Variants in SCARB2 observed in about 807,000 individuals in gnomAD.
SCARB2 encodes lysosome membrane protein 2.
SCARB2 carries 29 observed loss-of-function variants against 58.6 expected under a neutral mutation model. The ratio of observed to expected loss-of-function variants is 0.49; its 90% CI spans 0.37 to 0.67. SCARB2 has a LOEUF of 0.67. SCARB2 is among the 30% of genes least tolerant of loss of function. The pLI, the probability that SCARB2 is intolerant of heterozygous loss-of-function variation, is 0.00. For missense variants in SCARB2, 488 were observed against 578.5 expected (o/e 0.84, Z 1.60); for synonymous variants, 195 against 210.1 (o/e 0.93, Z 0.62).
intron 6 of SCARB2, 138 bp downstream of exon 6, chr4:76,175,653 G>A (rs1732237347): frequency 9.9e-7 from 1 of 1,011,624 alleles, no homozygotes; most frequent in Admixed American, 2.0e-5. Context: ...CTGTCTCGAT[G>A]TGCCATCAGC....
chr4:76,214,183 T>A (rs1438013471), upstream of SCARB2: 1 of 453,054 alleles, frequency 2.2e-6, no homozygotes, highest in Non-Finnish European at 4.4e-6. Flanking sequence ...GACATTCCCC[T>A]GCTCTAGAGG....
At chr4:76,227,699 G>T (rs1047686917) in intron 1 of SCARB2, among the ~76,000 whole-genome samples, 2 of 151,960 alleles carry the variant, frequency 1.3e-5, no homozygotes, top group African/African-American at 4.8e-5. Context: ...TATAAATTTG[G>T]GAGCTCCAGT....
chr4:76,175,537 G>A, intron 6 of SCARB2: 1 of 497,202 alleles, frequency 2.0e-6, no homozygotes, highest in South Asian at 2.1e-5. Flanking sequence ...AGGAAAGTGA[G>A]GTACAGAGTG....
chr4:76,174,287 T>C lies in SCARB2; in HGVS notation c.851A>G (p.Tyr284Cys), dbSNP rs149997095. ...CRSVYITFSD[Y>C]ESVQGLPAFR... ...GGCAGGCAGTCCCTGTACACTCTCATAGTCACTGAAAGTAATATACACTGA... is the reference window on the plus strand; with the variant it reads ...GGCAGGCAGTCCCTGTACACTCTCACAGTCACTGAAAGTAATATACACTGA... The change falls in exon 7 of 12, where the codon TAT becomes TGT. Residue 284 changes from tyrosine to cysteine, a missense_variant. Coordinates refer to ENST00000264896, the MANE Select transcript of SCARB2 (RefSeq NM_005506.4). The C allele has an allele frequency of 3.1e-6, 5 of 1,614,008 alleles. No homozygotes were observed. Among genetic ancestry groups the C allele is most frequent in the East Asian group, 2.2e-5 (1 of 44,900 alleles).
At chr4:76,167,216 T>A (rs1248813048) in intron 9 of SCARB2, among the ~76,000 whole-genome samples, 1 of 151,916 alleles carries the variant, frequency 6.6e-6, no homozygotes, top group African/African-American at 2.4e-5. Context: ...GTGGGATCAG[T>A]GGGAATAGAG....
In SCARB2 at chr4:76,161,143, C is replaced by T. The variant is rs952690571; in HGVS notation, c.*570G>A. On this transcript the variant is annotated 3_prime_UTR_variant, in exon 12 of 12. Transcript: ENST00000264896. ...TATTGCAGTTGGAAGACTGAGTTTT[C>T]CTGGAAGAATTATGAACTGAAGATC... The T allele has an allele frequency of 1.3e-5, 2 of 156,624 alleles. No individual in the cohort carries two copies. Among genetic ancestry groups the T allele is most frequent in the African/African-American group, 4.8e-5 (2 of 41,414 alleles). 9.7% of individuals were successfully genotyped at this position (156,624 alleles called of 1,614,324 possible).
chr4:76,234,037 G>A (rs1560731644), intron 1 of SCARB2, among the ~76,000 whole-genome samples: 1 of 152,228 alleles, frequency 6.6e-6, no homozygotes, highest in Non-Finnish European at 1.5e-5. Context: ...CTGCGGGTCA[G>A]AGATGGCCTT....
At chr4:76,214,327 G>A, upstream of SCARB2, 1 of 455,230 alleles carries the variant, frequency 2.2e-6, no homozygotes, top group Non-Finnish European at 4.4e-6. Flanking sequence ...ATTGAACTGG[G>A]GCCTGGGGGA....
chr4:76,174,376 C>A lies in SCARB2; in HGVS notation c.825-63G>T, dbSNP rs565258973. Reference sequence around the variant, plus strand: ...TGGTCAGTGTAATCTGCCCGAAATCCGCAAGTTAGCAACAGTTCTCAGGTA... The same window carrying A: ...TGGTCAGTGTAATCTGCCCGAAATCAGCAAGTTAGCAACAGTTCTCAGGTA... On this transcript the variant is annotated intron_variant, in intron 6 of 11. Coordinates refer to ENST00000264896, the MANE Select transcript of SCARB2 (RefSeq NM_005506.4). The A allele has an allele frequency of 4.7e-6, 7 of 1,493,354 alleles. No homozygotes were observed. The South Asian group carries it at 6.8e-5, about 15-fold the overall frequency. 92.5% of individuals were successfully genotyped at this position (1,493,354 alleles called of 1,614,324 possible). A position where few individuals can be genotyped will look rare whatever the true frequency, so the allele number is the denominator to read the frequency against.
In SCARB2 at chr4:76,163,642, C is replaced by A; in HGVS notation, c.1240-259G>T. 9.5e-6 allele frequency: 5 copies of A among 528,846 alleles called. No individual in the cohort carries two copies. In the East Asian group the frequency reaches 1.7e-4, roughly 18 times the overall value. The allele number at this position is 528,846 out of a possible 1,614,324, so 32.8% of individuals were successfully genotyped here. Reference sequence around the variant, plus strand: ...TAAAATGTATTCAGAAATATTGAGACAGTATCACCTTTTGTTTTATGTCAG... The same window carrying A: ...TAAAATGTATTCAGAAATATTGAGAAAGTATCACCTTTTGTTTTATGTCAG... On this transcript the variant is annotated intron_variant, in intron 10 of 11. Transcript: ENST00000264896.
chr4:76,220,452 C>T (rs1389916334), intron 1 of SCARB2, among the ~76,000 whole-genome samples: 1 of 152,060 alleles, frequency 6.6e-6, no homozygotes, highest in Non-Finnish European at 1.5e-5. Context: ...CATAGCAAGA[C>T]CCTATCTCTA....
chr4:76,168,472 G>A lies in SCARB2; in HGVS notation c.1118C>T (p.Thr373Ile), dbSNP rs1732061373. The A allele has an allele frequency of 6.8e-6, 11 of 1,613,558 alleles. No homozygotes were observed. Among genetic ancestry groups the A allele is most frequent in the Non-Finnish European group, 8.5e-6 (10 of 1,179,600 alleles). Residue 373 changes from threonine to isoleucine, a missense_variant, in exon 9 of 12, where the codon ACT becomes ATT. Coordinates refer to ENST00000264896, the MANE Select transcript of SCARB2 (RefSeq NM_005506.4). ...HETFVDINPL[T>I]GIILKAAKRF... ...CTTGGCTGCTTTTAGGATTATTCCA[G>A]TCAACTGCAAATCAGAGAAGTGAAA...
At chr4:76,228,183 G>A (rs1436803587) in intron 1 of SCARB2, among the ~76,000 whole-genome samples, 6 of 151,520 alleles carry the variant, frequency 4.0e-5, no homozygotes, top group Non-Finnish European at 2.9e-5. Flanking sequence ...TTTATTTCAA[G>A]ATTTAGAATC....
At chr4:76,210,866 A>T (rs1733030087) in intron 1 of SCARB2, among the ~76,000 whole-genome samples, 1 of 152,180 alleles carries the variant, frequency 6.6e-6, no homozygotes, top group Non-Finnish European at 1.5e-5. Context: ...TCCCACACCT[A>T]CTCATTTGAA....
At chr4:76,189,744 A>G (rs1436095420) in intron 2 of SCARB2, among the ~76,000 whole-genome samples, 1 of 151,996 alleles carries the variant, frequency 6.6e-6, no homozygotes, top group Admixed American at 6.6e-5. Flanking sequence ...AGCACTGGGA[A>G]TATAGGCATC....
At chr4:76,201,604 A>C (rs963321614) in intron 1 of SCARB2, among the ~76,000 whole-genome samples, 3 of 152,260 alleles carry the variant, frequency 2.0e-5, no homozygotes, top group Admixed American at 2.0e-4. Flanking sequence ...GAATAAATAA[A>C]AAGTCTGAAT....
chr4:76,215,256 C>G (rs1733182839), upstream of SCARB2, among the ~76,000 whole-genome samples: 1 of 152,198 alleles, frequency 6.6e-6, no homozygotes, highest in South Asian at 2.1e-4. Flanking sequence ...GTGTATTATC[C>G]TCATTTTACA....
intron 1 of SCARB2, among the ~76,000 whole-genome samples, chr4:76,205,438 G>A (rs1732910956): frequency 6.6e-6 from 1 of 152,188 alleles, no homozygotes; most frequent in African/African-American, 2.4e-5. Flanking sequence ...ACAAAGATAA[G>A]TAATTGAGGT....
intron 1 of SCARB2, among the ~76,000 whole-genome samples, chr4:76,203,850 C>T (rs1732877511): frequency 6.6e-6 from 1 of 152,202 alleles, no homozygotes; most frequent in African/African-American, 2.4e-5. Flanking sequence ...CTGATGTAAG[C>T]CACTTCCAAG....
Sources: gnomAD v4.1 joint callset for allele counts (sites outside exome capture counted in the v4.1 genomes callset) on GRCh38, gnomAD v4.1.1 for gene constraint, MANE v1.5 for transcripts, NCBI Gene and HGNC (gene_info 2026-07-23, HGNC 2026-07-21) for gene names.